Variants in KCNMA1 observed in about 807,000 individuals in gnomAD.
KCNMA1 encodes the protein Calcium-activated potassium channel subunit alpha-1.
In KCNMA1, 29 loss-of-function variants were observed where a neutral mutation model predicts 140.0. That is an observed-to-expected ratio of 0.21 (90% confidence interval 0.15 to 0.28). KCNMA1 has a LOEUF of 0.28. Ranked by LOEUF, KCNMA1 falls within the 10% of genes least tolerant of loss-of-function variation. The pLI is 1.00. For missense variants in KCNMA1, 880 were observed against 1,602.2 expected, an observed-to-expected ratio of 0.55 and a Z score of 7.70; for synonymous variants, 612 against 611.9, an observed-to-expected ratio of 1.00 and a Z score of 0.00.
intron 19 of KCNMA1, among the ~76,000 whole-genome samples, chr10:76,975,858 G>T (rs2153216446): frequency 6.6e-6 from 1 of 152,220 alleles, no homozygotes; most frequent in East Asian, 1.9e-4. Flanking sequence ...TGCCCAGGCT[G>T]GTGTGCAGTG....
At chr10:77,131,259 A>G (rs1455616567) in intron 5 of KCNMA1, among the ~76,000 whole-genome samples, 2 of 152,192 alleles carry the variant, frequency 1.3e-5, no homozygotes, top group Non-Finnish European at 2.9e-5. Context: ...AAACTGCAAC[A>G]CACAAAGACA....
intron 25 of KCNMA1, among the ~76,000 whole-genome samples, chr10:76,905,846 T>C (rs986276365): frequency 1.3e-5 from 2 of 152,244 alleles, no homozygotes; most frequent in African/African-American, 2.4e-5. Flanking sequence ...CATCCTTCTT[T>C]TTTACAACTG....
chr10:77,516,003 A>G (rs2050278911), intron 1 of KCNMA1, among the ~76,000 whole-genome samples: 1 of 152,156 alleles, frequency 6.6e-6, no homozygotes, highest in Admixed American at 6.5e-5. Context: ...GCAGCTCCAC[A>G]CAGAACTGAA....
chr10:77,281,816 G>A (rs754694022), intron 2 of KCNMA1, among the ~76,000 whole-genome samples: 12 of 152,312 alleles, frequency 7.9e-5, no homozygotes, highest in Non-Finnish European at 1.2e-4. Context: ...GAGTTAATTT[G>A]TATTAAATGC....
At chr10:77,598,627 A>C (rs1329980299) in intron 1 of KCNMA1, among the ~76,000 whole-genome samples, 2 of 152,236 alleles carry the variant, frequency 1.3e-5, no homozygotes, top group Admixed American at 1.3e-4. Context: ...TAAATAAAAC[A>C]AAAAAGCAAA....
intron 2 of KCNMA1, among the ~76,000 whole-genome samples, chr10:77,320,776 A>T (rs1287949916): frequency 1.3e-5 from 2 of 152,218 alleles, no homozygotes; most frequent in African/African-American, 4.8e-5. Context: ...ATATTCGAGA[A>T]TCCTGTGTTG....
At chr10:76,941,051 A>AAG (rs368394305) in intron 23 of KCNMA1, among the ~76,000 whole-genome samples, 2 of 62,910 alleles carry the variant, frequency 3.2e-5, no homozygotes, top group South Asian at 6.8e-4. Flanking sequence ...GAAAGAAAGA[A>AAG]AGAGAAAGAA....
intron 1 of KCNMA1, among the ~76,000 whole-genome samples, chr10:77,550,538 G>A (rs542450074): frequency 2.0e-5 from 3 of 152,296 alleles, no homozygotes; most frequent in South Asian, 2.1e-4. Flanking sequence ...TCAGCTTTGT[G>A]ATCTCACGTA....
At chr10:77,500,360 C>G (rs1294815014) in intron 1 of KCNMA1, among the ~76,000 whole-genome samples, 3 of 151,916 alleles carry the variant, frequency 2.0e-5, no homozygotes, top group Non-Finnish European at 4.4e-5. Context: ...CCAGAATATG[C>G]CAGGCAAAAA....
At chr10:76,883,160 C>A (rs1228786687), downstream of KCNMA1, among the ~76,000 whole-genome samples, 4 of 152,172 alleles carry the variant, frequency 2.6e-5, no homozygotes, top group African/African-American at 9.7e-5. Flanking sequence ...ATTCCCCTTT[C>A]TCAGAAGCCA....
At chr10:77,355,436 G>A (rs758130747) in intron 2 of KCNMA1, among the ~76,000 whole-genome samples, 72 of 152,292 alleles carry the variant, frequency 4.7e-4, no homozygotes, top group Non-Finnish European at 8.7e-4. Flanking sequence ...GGATGGGCAT[G>A]TGACCTAAGC....
At chr10:76,879,782 T>C (rs1335835847) in intron 29 of KCNMA1, among the ~76,000 whole-genome samples, 1 of 152,232 alleles carries the variant, frequency 6.6e-6, no homozygotes, top group Non-Finnish European at 1.5e-5. Flanking sequence ...TGAACCATTA[T>C]GCATTTGTGG....
chr10:77,577,192 G>A (rs1359257923), intron 1 of KCNMA1, among the ~76,000 whole-genome samples: 4 of 151,382 alleles, frequency 2.6e-5, no homozygotes, highest in African/African-American at 7.3e-5. Context: ...GATTACAGGC[G>A]CCCACCACCA....
At chr10:77,501,238 T>C (rs2154545114) in intron 1 of KCNMA1, among the ~76,000 whole-genome samples, 1 of 152,198 alleles carries the variant, frequency 6.6e-6, no homozygotes, top group Admixed American at 6.5e-5. Flanking sequence ...GAGGACAAGA[T>C]GAGATCATGT....
downstream of KCNMA1, among the ~76,000 whole-genome samples, chr10:76,882,580 C>G (rs1209463202): frequency 2.0e-5 from 3 of 152,162 alleles, no homozygotes; most frequent in African/African-American, 7.2e-5. Context: ...AGAACAAAAG[C>G]AATTACCGTT....
At chr10:77,308,001 C>T (rs1438100403) in intron 2 of KCNMA1, among the ~76,000 whole-genome samples, 1 of 152,176 alleles carries the variant, frequency 6.6e-6, no homozygotes, top group Admixed American at 6.5e-5. Context: ...ATTGCATGTT[C>T]ATTAACCTGT....
rs200430585 is a variant in KCNMA1, at chr10:76,915,013, T to C, written c.2939A>G (p.Asp980Gly). 3 of 1,613,452 alleles carry C rather than the reference T, an allele frequency of 1.9e-6. No homozygotes were observed. Among genetic ancestry groups the C allele is most frequent in the African/African-American group, 1.3e-5 (1 of 74,862 alleles). Residue 980 changes from aspartate to glycine, a missense_variant, in exon 24 of 28, where the codon GAT (aspartate) becomes GGT (glycine). Around this residue, in one of 13 missense-constraint regions of KCNMA1, gnomAD observed 44 missense variants for 58.2 expected, o/e 0.76. Coordinates refer to ENST00000286628, the MANE Select transcript of KCNMA1 (RefSeq NM_001161352.2). The part of the protein sequence containing the change: ...TPPGMDRSSP[D>G]NSPVHGMLRQ... ...TAACATCCCGTGCACTGGGCTGTTA[T>C]CTGGAGAGGATCTATCCATTCCTGG... is the stretch of plus-strand genomic sequence containing the variant.
At chr10:76,928,216 G>T (rs2058264849) in intron 23 of KCNMA1, among the ~76,000 whole-genome samples, 1 of 150,690 alleles carries the variant, frequency 6.6e-6, no homozygotes, top group African/African-American at 2.4e-5. Flanking sequence ...AAATGCTACG[G>T]GACTTAAATA....
At chr10:77,295,805 A>AAAAAAAAAC (rs2074893241) in intron 2 of KCNMA1, among the ~76,000 whole-genome samples, 1 of 136,896 alleles carries the variant, frequency 7.3e-6, no homozygotes, top group Non-Finnish European at 1.6e-5. Flanking sequence ...AAAAAAAAAA[A>AAAAAAAAAC]AAAAAAAAAA....
Sources: gnomAD v4.1 joint callset for allele counts (sites outside exome capture counted in the v4.1 genomes callset) on GRCh38, gnomAD v4.1.1 for gene constraint, gnomAD v4.1.1 regional missense constraint, MANE v1.5 for transcripts, NCBI Gene and HGNC (gene_info 2026-07-23, HGNC 2026-07-21) for gene names.